The following TECRL variants were observed in gnomAD, a reference collection of about 807,000 sequenced individuals.
The protein encoded by TECRL is trans-2,3-enoyl-CoA reductase like.
Under a neutral mutation model 52.8 loss-of-function variants are expected in TECRL, and 63 were observed. The observed-to-expected ratio is 1.19, with a 90% CI of 0.97 to 1.47. The LOEUF (loss-of-function observed/expected upper bound fraction) is 1.47. Among genes scored for constraint, TECRL ranks in the 40% most tolerant of loss-of-function variants. The probability of loss-of-function intolerance (pLI) is 0.00; values close to 1 mark genes in which losing one functional copy is unlikely to be tolerated. For synonymous variants in TECRL, 164 were observed against 141.9 expected, an observed-to-expected ratio of 1.16 and a Z score of -1.10; for missense variants, 482 against 429.6, an observed-to-expected ratio of 1.12 and a Z score of -1.08.
In TECRL at chr4:64,326,804, T is replaced by C. The variant is rs540562104; in HGVS notation, c.331+1708A>G. ...CCCATGAAAATCAATGCTTCTATTT[T>C]ATTTGTGTTTTAAAGGTTTCTTTTG... On this transcript the variant is annotated intron_variant, in intron 3 of 11. Coordinates refer to ENST00000381210, the MANE Select transcript of TECRL (RefSeq NM_001010874.5). 5.9e-5 allele frequency among the ~76,000 whole-genome samples: 9 copies of C among 152,238 alleles called. No homozygotes were observed. In the South Asian group the frequency reaches 1.4e-3, roughly 25 times the overall value.
At chr4:64,368,288 T>G (rs1181236609) in intron 2 of TECRL, among the ~76,000 whole-genome samples, 3 of 30,778 alleles carry the variant, frequency 9.7e-5, no homozygotes, top group East Asian at 0.019. Context: ...TTGTTTTCTT[T>G]TTTTGTTTGT....
intron 2 of TECRL, among the ~76,000 whole-genome samples, chr4:64,344,339 T>TA (rs1439207087): frequency 6.6e-6 from 1 of 152,108 alleles, no homozygotes; most frequent in Non-Finnish European, 1.5e-5. Flanking sequence ...GATAGATAGA[T>TA]ATAAAGACAT....
chr4:64,373,683 T>G (rs1290167406), intron 2 of TECRL, among the ~76,000 whole-genome samples: 1 of 151,652 alleles, frequency 6.6e-6, no homozygotes, highest in Non-Finnish European at 1.5e-5. Flanking sequence ...ACATACAATC[T>G]TCTTGTTACA....
intron 2 of TECRL, among the ~76,000 whole-genome samples, chr4:64,354,195 G>C (rs1348231347): frequency 1.3e-5 from 2 of 152,134 alleles, no homozygotes; most frequent in African/African-American, 4.8e-5. Context: ...GCTATCAGTG[G>C]TTTGTAAGTT....
chr4:64,341,012 C>T (rs1033910278), intron 2 of TECRL, among the ~76,000 whole-genome samples: 2 of 152,214 alleles, frequency 1.3e-5, no homozygotes, highest in African/African-American at 2.4e-5. Context: ...GGAGAACAAC[C>T]CATTGCAGGA....
At chr4:64,310,056 T>A in intron 5 of TECRL, 125 bp from the exon 6 acceptor site, 1 of 560,990 alleles carries the variant, frequency 1.8e-6, no homozygotes, top group Non-Finnish European at 3.1e-6. Flanking sequence ...TTCTGGTAGC[T>A]AAAACACAAA....
intron 5 of TECRL, among the ~76,000 whole-genome samples, chr4:64,311,834 T>A (rs1270533982): frequency 1.3e-5 from 2 of 152,182 alleles, no homozygotes; most frequent in Admixed American, 1.3e-4. Flanking sequence ...CCAATTCTTT[T>A]TCCCAACCAA....
chr4:64,335,234 C>T (rs1468107024), intron 2 of TECRL, among the ~76,000 whole-genome samples: 2 of 152,102 alleles, frequency 1.3e-5, no homozygotes, highest in African/African-American at 2.4e-5. Flanking sequence ...CTCACATTAC[C>T]GTCTGAGCTC....
At chr4:64,331,501 C>A (rs112679539) in intron 2 of TECRL, among the ~76,000 whole-genome samples, 1 of 151,948 alleles carries the variant, frequency 6.6e-6, no homozygotes, top group Non-Finnish European at 1.5e-5. Context: ...AACTAATCCA[C>A]CATCAGACAG....
At chr4:64,358,996 T>A (rs1720981918) in intron 2 of TECRL, among the ~76,000 whole-genome samples, 1 of 151,900 alleles carries the variant, frequency 6.6e-6, no homozygotes. Context: ...AATAATGAAG[T>A]ATTATTAATA....
At chr4:64,316,015 A>G (rs1717472992) in intron 4 of TECRL, among the ~76,000 whole-genome samples, 1 of 152,130 alleles carries the variant, frequency 6.6e-6, no homozygotes, top group East Asian at 1.9e-4. Context: ...TCTATAGAAA[A>G]TGTTTGCCAC....
intron 2 of TECRL, among the ~76,000 whole-genome samples, chr4:64,330,510 TTTAA>T (rs1422355267): frequency 1.3e-5 from 2 of 152,064 alleles, no homozygotes; most frequent in East Asian, 1.9e-4. Context: ...AATGTTAAAC[TTTAA>T]TTAATCAGCT....
intron 2 of TECRL, among the ~76,000 whole-genome samples, chr4:64,341,216 C>T (rs1022425492): frequency 6.6e-6 from 1 of 152,134 alleles, no homozygotes; most frequent in Non-Finnish European, 1.5e-5. Flanking sequence ...ATCTTGCCCA[C>T]CCTCCACTTG....
At chr4:64,345,546 G>C (rs897979270) in intron 2 of TECRL, among the ~76,000 whole-genome samples, 3 of 110,362 alleles carry the variant, frequency 2.7e-5, no homozygotes, top group African/African-American at 1.1e-4. Context: ...ACCGGGGCCT[G>C]TTGTGGGGTG....
chr4:64,389,990 G>A (rs1038887046), intron 1 of TECRL, among the ~76,000 whole-genome samples: 4 of 151,810 alleles, frequency 2.6e-5, no homozygotes. Context: ...GCTTTACAAA[G>A]CATTATAAAT....
intron 2 of TECRL, among the ~76,000 whole-genome samples, chr4:64,350,489 G>GT (rs1261316387): frequency 2.0e-5 from 3 of 152,102 alleles, no homozygotes; most frequent in Admixed American, 1.3e-4. Context: ...CTATGAAGGT[G>GT]TTTTTTGAAT....
intron 2 of TECRL, among the ~76,000 whole-genome samples, chr4:64,372,835 T>C (rs1427276942): frequency 6.6e-6 from 1 of 151,600 alleles, no homozygotes; most frequent in African/African-American, 2.4e-5. Flanking sequence ...ATTAATTTGG[T>C]GTCAAAAAGT....
chr4:64,297,415 GTT>G (rs1362256418), intron 8 of TECRL, among the ~76,000 whole-genome samples: 1 of 150,936 alleles, frequency 6.6e-6, no homozygotes, highest in African/African-American at 2.4e-5. Flanking sequence ...ATAAGAATAA[GTT>G]TTGTTAATAT....
At chr4:64,314,824 TG>T in intron 4 of TECRL, 61 bp from the exon 5 acceptor site, 4 of 1,196,766 alleles carry the variant, frequency 3.3e-6, no homozygotes, top group Non-Finnish European at 4.9e-6. Context: ...GGTTCATTTG[TG>T]TCTATGAGTA....
Sources: allele counts gnomAD v4.1 joint callset (sites outside exome capture counted in the v4.1 genomes callset), GRCh38; gene constraint gnomAD v4.1.1; transcripts MANE v1.5; gene names NCBI Gene and HGNC (gene_info 2026-07-23, HGNC 2026-07-21).